The following SEC63 variants were observed in gnomAD, a reference collection of about 807,000 sequenced individuals.
SEC63 encodes the protein translocation protein SEC63 homolog.
SEC63 carries 56 observed loss-of-function variants against 116.2 expected under a neutral mutation model. That is an observed-to-expected ratio of 0.48 (90% CI 0.39 to 0.60). The LOEUF is 0.60. Among genes scored for constraint, SEC63 ranks in the 20% least tolerant of loss-of-function variants. The pLI is 0.00. For missense variants in SEC63, 668 were observed against 900.0 expected, an observed-to-expected ratio of 0.74 and a Z score of 3.30; for synonymous variants, 273 against 294.6, an observed-to-expected ratio of 0.93 and a Z score of 0.75.
Position 107,902,505 on chromosome 6 carries a change from C to T in SEC63, c.1209+339G>A, listed in dbSNP as rs1424202929. Among the ~76,000 whole-genome samples the T allele has an allele frequency of 2.0e-5, 3 of 152,030 alleles. No homozygotes were observed. In the East Asian group the frequency reaches 5.8e-4, roughly 29 times the overall value. On this transcript the variant is annotated intron_variant, in intron 12 of 20. Coordinates refer to ENST00000369002, the MANE Select transcript of SEC63 (RefSeq NM_007214.5). ...AAATGTTTTTGTTGTTCATGCTTAA[C>T]CAGTAAACAATTGCCCAACCTTAAG...
rs755716600 is a variant in SEC63, at chr6:107,876,572, T to C, written c.2026A>G (p.Thr676Ala). The C allele has an allele frequency of 1.9e-6, 3 of 1,592,424 alleles. No homozygotes were observed. Among genetic ancestry groups the C allele is most frequent in the Non-Finnish European group, 2.6e-6 (3 of 1,163,210 alleles). Residue 676 changes from threonine to alanine, a missense_variant, in exon 19 of 21, where the codon ACA becomes GCA. Thr to Ala is a moderately conservative substitution (Grantham distance 58, BLOSUM62 0). Coordinates refer to ENST00000369002, the MANE Select transcript of SEC63 (RefSeq NM_007214.5). ...TGTTGCTTGATAGTTACCTCCTCTG[T>C]ATCTTTCAGCGTACACACATGATAT... ...MPYHVCTLKD[T>A]EEVELKFPAP...
intron 1 of SEC63, among the ~76,000 whole-genome samples, chr6:107,941,886 T>TAAA (rs1463667491): frequency 6.6e-6 from 1 of 152,184 alleles, no homozygotes; most frequent in African/African-American, 2.4e-5. Context: ...ACGGGACACA[T>TAAA]AAAAGCCCAC....
chr6:107,892,715 C>T (rs943813606), intron 16 of SEC63, among the ~76,000 whole-genome samples: 47 of 152,090 alleles, frequency 3.1e-4, no homozygotes, highest in African/African-American at 1.1e-3. Context: ...ATCCAAATGG[C>T]CAGCAAGCAT....
At chr6:107,922,640 C>CGATA (rs1285783619) in intron 3 of SEC63, among the ~76,000 whole-genome samples, 1 of 152,192 alleles carries the variant, frequency 6.6e-6, no homozygotes, top group East Asian at 1.9e-4. Context: ...AGCTGCTTGT[C>CGATA]TATCAAGTTG....
At chr6:107,918,904 C>CTTTTT (rs1164457296) in intron 4 of SEC63, among the ~76,000 whole-genome samples, 2 of 54,734 alleles carry the variant, frequency 3.7e-5, no homozygotes, top group Non-Finnish European at 6.5e-5. Flanking sequence ...AGCTGATTTC[C>CTTTTT]TTTTTTTTTT....
At chr6:107,896,632 C>G (rs541472621) in intron 14 of SEC63, among the ~76,000 whole-genome samples, 3 of 152,226 alleles carry the variant, frequency 2.0e-5, no homozygotes, top group South Asian at 2.1e-4. Context: ...CGACACACAA[C>G]AAGATTATGC....
chr6:107,924,691 TATTTTAATAA>T (rs1787635698), intron 3 of SEC63, 117 bp downstream of exon 3: 2 of 647,886 alleles, frequency 3.1e-6, no homozygotes, highest in East Asian at 5.5e-5. Flanking sequence ...TTAGACATCT[TATTTTAATAA>T]ACAAACTGAC....
chr6:107,952,583 C>T (rs900283606), intron 1 of SEC63, among the ~76,000 whole-genome samples: 3 of 151,532 alleles, frequency 2.0e-5, no homozygotes, highest in African/African-American at 7.3e-5. Context: ...CATGGTGAAA[C>T]TCTGTCTCTA....
chr6:107,931,519 G>A (rs888919572), intron 1 of SEC63, among the ~76,000 whole-genome samples: 5 of 151,418 alleles, frequency 3.3e-5, no homozygotes, highest in African/African-American at 4.8e-5. Context: ...GGAGGCCGAG[G>A]CAGGCAGATC....
intron 6 of SEC63, among the ~76,000 whole-genome samples, chr6:107,912,239 A>AC (rs1306675393): frequency 6.6e-6 from 1 of 152,142 alleles, no homozygotes; most frequent in Non-Finnish European, 1.5e-5. Flanking sequence ...CTGATATCCT[A>AC]CCTCCTCCTG....
At chr6:107,877,376 A>G (rs954145647) in intron 18 of SEC63, 2 of 152,148 alleles carry the variant, frequency 1.3e-5, no homozygotes, top group African/African-American at 4.8e-5. Context: ...CTAAACTCTC[A>G]ATTGTCCGAA....
Position 107,948,543 on chromosome 6 carries a change from G to A in SEC63, c.124+9343C>T, listed in dbSNP as rs1479091652. ...GTCTACTGAAGGCTTGCAACTTTCCGGGAAAGGCTTGGAGGGTAAATTACG... is the reference window on the plus strand; with the variant it reads ...GTCTACTGAAGGCTTGCAACTTTCCAGGAAAGGCTTGGAGGGTAAATTACG... On this transcript the variant is annotated intron_variant, in intron 1 of 20. Transcript: ENST00000369002. Among the ~76,000 whole-genome samples, 10 of 152,116 alleles carry A rather than the reference G, an allele frequency of 6.6e-5. 1 individual carries two copies. Among genetic ancestry groups the A allele is most frequent in the Admixed American group, 5.9e-4 (9 of 15,272 alleles).
At chr6:107,912,826 T>C in intron 5 of SEC63, 52 bp from the exon 6 acceptor site, 2 of 1,205,416 alleles carry the variant, frequency 1.7e-6, no homozygotes, top group Non-Finnish European at 2.4e-6. Context: ...TCAGTTTTAA[T>C]AAATACATTA....
intron 1 of SEC63, among the ~76,000 whole-genome samples, chr6:107,938,245 TA>T (rs1230214128): frequency 1.2e-5 from 1 of 83,934 alleles, no homozygotes; most frequent in African/African-American, 4.0e-5. Context: ...CCTGGTGAGT[TA>T]ATTTTTTTTT....
chr6:107,883,276 T>C, intron 16 of SEC63, 130 bp from the exon 17 acceptor site: 1 of 1,129,888 alleles, frequency 8.9e-7, no homozygotes, highest in Non-Finnish European at 1.3e-6. Context: ...TCATATACAA[T>C]TTTTTAAAAT....
intron 1 of SEC63, among the ~76,000 whole-genome samples, chr6:107,941,360 G>A (rs1018326623): frequency 1.3e-5 from 2 of 152,004 alleles, no homozygotes; most frequent in Non-Finnish European, 2.9e-5. Context: ...CACACCCATA[G>A]TCCAGCTACA....
intron 1 of SEC63, among the ~76,000 whole-genome samples, chr6:107,954,395 C>A (rs1458044039): frequency 6.6e-6 from 1 of 150,536 alleles, no homozygotes; most frequent in Non-Finnish European, 1.5e-5. Context: ...ATCTGCTGAC[C>A]CTCCCTCCAC....
At chr6:107,912,837 A>C in intron 5 of SEC63, 63 bp from the exon 6 acceptor site, 1 of 1,174,548 alleles carries the variant, frequency 8.5e-7, no homozygotes, top group Non-Finnish European at 1.3e-6. Context: ...AAATACATTA[A>C]ATATATTTGG....
Position 107,869,772 on chromosome 6 carries a change from G to GGT in SEC63, c.*1931_*1932insAC, listed in dbSNP as rs886060947. 3.5e-5 allele frequency: 5 copies of GGT among 142,020 alleles called. No individual in the cohort carries two copies. Among genetic ancestry groups the GGT allele is most frequent in the Admixed American group, 7.0e-5 (1 of 14,296 alleles). The allele number at this position is 142,020 out of a possible 1,614,324, so 8.8% of individuals were successfully genotyped here. Reference sequence around the variant, plus strand: ...CTGGTGGAATTTTCTGGTGATGGTAGTTTTTTTTTTTTTTTTTTTTTTAAG... The same window carrying GGT: ...CTGGTGGAATTTTCTGGTGATGGTAGGTTTTTTTTTTTTTTTTTTTTTTTAAG... On this transcript the variant is annotated 3_prime_UTR_variant, in exon 21 of 21. Transcript: ENST00000369002.
Sources: allele counts gnomAD v4.1 joint callset (sites outside exome capture counted in the v4.1 genomes callset), GRCh38; gene constraint gnomAD v4.1.1; transcripts MANE v1.5; gene names NCBI Gene and HGNC (gene_info 2026-07-23, HGNC 2026-07-21).